Variants in ARHGAP39 observed in about 807,000 individuals in gnomAD.
The protein encoded by ARHGAP39 is Rho GTPase activating protein 39, also known as rho GTPase-activating protein 39.
ARHGAP39 carries 44 observed loss-of-function variants against 106.9 expected under a neutral mutation model. The ratio of observed to expected loss-of-function variants is 0.41; its 90% CI spans 0.32 to 0.53. The LOEUF (loss-of-function observed/expected upper bound fraction) is 0.53, where lower values mean the gene tolerates loss of function less well. Among genes scored for constraint, ARHGAP39 ranks in the 20% least tolerant of loss-of-function variants. ARHGAP39 has a pLI of 0.21. For synonymous variants in ARHGAP39, 768 were observed against 693.2 expected (o/e 1.11, Z -1.69); for missense variants, 1,496 against 1,577.3 (o/e 0.95, Z 0.87).
At chr8:144,536,067 G>C (rs891018209) in intron 7 of ARHGAP39, among the ~76,000 whole-genome samples, 1 of 152,200 alleles carries the variant, frequency 6.6e-6, no homozygotes, top group African/African-American at 2.4e-5. Context: ...CTGACCTGCA[G>C]TGGGATAGTG....
At chr8:144,699,345 T>C in the ARHGAP39 span, among the ~76,000 whole-genome samples, 5 of 12,416 alleles carry the variant, frequency 4.0e-4, no homozygotes, top group African/African-American at 2.0e-3. Flanking sequence ...AGGGGCACTC[T>C]GGGGAGCTGT....
chr8:144,696,613 A>G, the ARHGAP39 span, among the ~76,000 whole-genome samples: 1 of 152,118 alleles, frequency 6.6e-6, no homozygotes, highest in African/African-American at 2.4e-5. Context: ...CTAAATTTTC[A>G]CTAAGATTTT....
At chr8:144,699,843 C>T in the ARHGAP39 span, among the ~76,000 whole-genome samples, 6 of 152,274 alleles carry the variant, frequency 3.9e-5, no homozygotes, top group East Asian at 1.2e-3. Flanking sequence ...CGGGCTAGAA[C>T]CTGTCGGGGG....
chr8:144,649,266 C>A (rs990890412), intron 1 of ARHGAP39, among the ~76,000 whole-genome samples: 2 of 151,322 alleles, frequency 1.3e-5, no homozygotes, highest in East Asian at 3.9e-4. Context: ...CACAGTGAAA[C>A]CCCATCTCTA....
chr8:144,661,411 C>G (rs1216441813), intron 1 of ARHGAP39, among the ~76,000 whole-genome samples: 1 of 152,218 alleles, frequency 6.6e-6, no homozygotes. Flanking sequence ...AGCACCCTCA[C>G]TCCTGTGATA....
At chr8:144,605,412 C>T (rs1470097833) in intron 2 of ARHGAP39, 123 bp downstream of exon 2, 12 of 1,048,754 alleles carry the variant, frequency 1.1e-5, no homozygotes, top group Non-Finnish European at 1.7e-5. Context: ...GCCTTGGGAA[C>T]AGCCAGCGAC....
At chr8:144,666,352 G>T (rs1158379893) in intron 1 of ARHGAP39, among the ~76,000 whole-genome samples, 1 of 152,134 alleles carries the variant, frequency 6.6e-6, no homozygotes, top group Non-Finnish European at 1.5e-5. Context: ...TAAGACTTTG[G>T]GGGGCTGTTG....
At position 144,530,421 on chromosome 8, in the gene ARHGAP39, G is replaced by C; in HGVS notation, c.*1C>G. On this transcript the variant is annotated 3_prime_UTR_variant, in exon 12 of 12. Transcript: ENST00000377307. ...ATCCCTCCTGTCCCCGGGCGCCCCC[G>C]CTACAGCACACCCTCCATGAAGCTG... The C allele has an allele frequency of 6.3e-7, 1 of 1,594,778 alleles. No individual in the cohort carries two copies. Among genetic ancestry groups the C allele is most frequent in the Non-Finnish European group, 8.6e-7 (1 of 1,168,362 alleles).
At chr8:144,675,390 G>GACCCTCGCGGTGAGTGTTACAGCTCTTA (rs1346032238) in intron 1 of ARHGAP39, among the ~76,000 whole-genome samples, 15 of 152,362 alleles carry the variant, frequency 9.8e-5, no homozygotes, top group Non-Finnish European at 2.9e-5. Flanking sequence ...CGAAGCCGCG[G>GACCCTCGCGGTGAGTGTTACAGCTCTTA]ACCCTCGCGG....
Position 144,547,342 on chromosome 8 carries a change from C to G in ARHGAP39, c.1744G>C (p.Gly582Arg). The G allele has an allele frequency of 6.2e-7, 1 of 1,605,972 alleles. No homozygotes were observed. Among genetic ancestry groups the G allele is most frequent in the Non-Finnish European group, 8.5e-7 (1 of 1,178,304 alleles). ...QRSSWDSQQD[G>R]SGYESDGALP... ...GCGCCGTCGCTCTCGTAGCCAGAGC[C>G]GTCCTGCTGGGAGTCCCAGCTGCTC... is the stretch of plus-strand genomic sequence containing the variant. The change falls in exon 5 of 12, where the codon GGC becomes CGC. Residue 582 changes from glycine to arginine, a missense_variant. Physicochemically the swap from Gly to Arg is moderately radical, Grantham distance 125. Coordinates refer to ENST00000377307, the MANE Select transcript of ARHGAP39 (RefSeq NM_025251.3). The surrounding 1 kb of genome is among the most constrained non-coding windows in gnomAD (Gnocchi z 5.2).
At chr8:144,594,998 C>T (rs1819556043) in intron 2 of ARHGAP39, among the ~76,000 whole-genome samples, 1 of 151,922 alleles carries the variant, frequency 6.6e-6, no homozygotes, top group African/African-American at 2.4e-5. Flanking sequence ...GCTGTGATTG[C>T]ACCTTCGCAC....
intron 6 of ARHGAP39, among the ~76,000 whole-genome samples, chr8:144,538,258 G>T (rs1221529627): frequency 2.0e-5 from 3 of 152,250 alleles, no homozygotes; most frequent in Non-Finnish European, 4.4e-5. Context: ...TCAGAGAGGA[G>T]GGGGCTCCCC....
intron 6 of ARHGAP39, among the ~76,000 whole-genome samples, chr8:144,540,920 C>T (rs946589240): frequency 2.6e-5 from 4 of 152,234 alleles, no homozygotes; most frequent in Admixed American, 1.3e-4. Context: ...GGCAAGATCT[C>T]GGCTCACTGC....
chr8:144,597,940 T>C (rs754507998), intron 2 of ARHGAP39, among the ~76,000 whole-genome samples: 4 of 151,828 alleles, frequency 2.6e-5, no homozygotes, highest in Non-Finnish European at 5.9e-5. Context: ...AAAAAGATGA[T>C]TAAATGGAAG....
At chr8:144,617,162 G>A (rs1440669895) in intron 1 of ARHGAP39, among the ~76,000 whole-genome samples, 1 of 151,868 alleles carries the variant, frequency 6.6e-6, no homozygotes, top group Non-Finnish European at 1.5e-5. Context: ...AGCAGAGATT[G>A]TGCCACTGTA....
chr8:144,565,550 G>A (rs904273466), intron 3 of ARHGAP39, among the ~76,000 whole-genome samples: 10 of 151,876 alleles, frequency 6.6e-5, no homozygotes, highest in Non-Finnish European at 8.8e-5. Context: ...TTAGCCAGGC[G>A]CGGTGGCAGG....
chr8:144,629,879 C>T (rs1821019041), intron 1 of ARHGAP39, among the ~76,000 whole-genome samples: 2 of 152,028 alleles, frequency 1.3e-5, no homozygotes, highest in Non-Finnish European at 2.9e-5. Context: ...GGGGGCACAT[C>T]CTGAGGGATG....
At chr8:144,686,139 G>C (rs985980249), upstream of ARHGAP39, among the ~76,000 whole-genome samples, 3 of 152,080 alleles carry the variant, frequency 2.0e-5, no homozygotes, top group Admixed American at 6.5e-5. Context: ...ACACGTCTCG[G>C]TGTGGTTTGG....
intron 2 of ARHGAP39, among the ~76,000 whole-genome samples, chr8:144,582,369 C>T (rs1275047551): frequency 6.6e-6 from 1 of 152,246 alleles, no homozygotes; most frequent in East Asian, 1.9e-4. Context: ...GCTCGTAGGA[C>T]ACCAAGGATC....
Sources: allele counts gnomAD v4.1 joint callset (sites outside exome capture counted in the v4.1 genomes callset), GRCh38; gene constraint gnomAD v4.1.1; non-coding constraint Gnocchi (gnomAD v3.1); transcripts MANE v1.5; gene names NCBI Gene and HGNC (gene_info 2026-07-23, HGNC 2026-07-21).